The following PIEZO2 variants were observed in gnomAD, a reference collection of about 807,000 sequenced individuals.
The protein encoded by PIEZO2 is piezo-type mechanosensitive ion channel component 2.
PIEZO2 carries 172 observed loss-of-function variants against 337.3 expected under a neutral mutation model. The ratio of observed to expected loss-of-function variants is 0.51; its 90% confidence interval spans 0.45 to 0.58. PIEZO2 has a LOEUF of 0.58. Among genes scored for constraint, PIEZO2 ranks in the 20% least tolerant of loss-of-function variants. The pLI is 0.00. For missense variants in PIEZO2, 3,028 were observed against 3,391.3 expected, an observed-to-expected ratio of 0.89 and a Z score of 2.66; for synonymous variants, 1,251 against 1,228.5, an observed-to-expected ratio of 1.02 and a Z score of -0.38.
At position 11,032,320 on chromosome 18, in the gene PIEZO2, T is replaced by C. The variant is rs2036771754; in HGVS notation, c.160+33807A>G. Reference sequence around the variant, plus strand: ...TGGGTCAGAGATTTCTGCAAAGGAGTAAGTGACATTTACACCACTCCTGGA... The same window carrying C: ...TGGGTCAGAGATTTCTGCAAAGGAGCAAGTGACATTTACACCACTCCTGGA... On this transcript the variant is annotated intron_variant, in intron 2 of 55. Coordinates refer to ENST00000674853, the MANE Select transcript of PIEZO2 (RefSeq NM_001378183.1). The surrounding 1 kb of genome is among the most constrained non-coding windows in gnomAD (Gnocchi z 4.9). Among the ~76,000 whole-genome samples, 4 of 151,906 alleles carry C rather than the reference T, an allele frequency of 2.6e-5. No individual in the cohort carries two copies. In the South Asian group the frequency reaches 8.3e-4, roughly 32 times the overall value.
intron 3 of PIEZO2, among the ~76,000 whole-genome samples, chr18:10,914,444 G>T (rs574178978): frequency 1.2e-4 from 18 of 152,154 alleles, no homozygotes; most frequent in African/African-American, 4.1e-4. Context: ...TGTAGAATTT[G>T]TATATAACCT....
At chr18:11,052,375 A>G (rs188629021) in intron 2 of PIEZO2, among the ~76,000 whole-genome samples, 5 of 152,206 alleles carry the variant, frequency 3.3e-5, no homozygotes, top group Non-Finnish European at 5.9e-5. Context: ...ATTTCATAAC[A>G]TGTGAGATCA....
At chr18:11,018,928 T>A (rs1395608) in intron 2 of PIEZO2, among the ~76,000 whole-genome samples, 1 of 151,930 alleles carries the variant, frequency 6.6e-6, no homozygotes, top group African/African-American at 2.4e-5. Flanking sequence ...TTCTCCACTT[T>A]AGTAAATGTC....
chr18:10,758,800 T>C (rs4416082), intron 26 of PIEZO2, among the ~76,000 whole-genome samples: 31,849 of 152,154 alleles, frequency 0.21, 3,937 homozygotes, highest in South Asian at 0.28. Context: ...GTGGAGGTGG[T>C]GGACTGTGCT....
chr18:11,070,991 G>A lies in PIEZO2; in HGVS notation c.65-4769C>T, dbSNP rs148770330. ...CAGCCAAGGGTCTGCATTAGAACCCGTGGTGCCTGCTTCCATGGCTGATTC... is the reference window on the plus strand; with the variant it reads ...CAGCCAAGGGTCTGCATTAGAACCCATGGTGCCTGCTTCCATGGCTGATTC... On this transcript the variant is annotated intron_variant, in intron 1 of 55. Transcript: ENST00000674853. The surrounding 1 kb of genome is among the most constrained non-coding windows in gnomAD (Gnocchi z 4.3). Among the ~76,000 whole-genome samples the A allele has an allele frequency of 7.8e-4, 119 of 152,300 alleles. No individual in the cohort carries two copies. Among genetic ancestry groups the A allele is most frequent in the African/African-American group, 2.8e-3 (115 of 41,560 alleles).
At position 10,809,260 on chromosome 18, in the gene PIEZO2, C is replaced by CTTTTTTTTTTT. The variant is rs869210659; in HGVS notation, c.918-1997_918-1987dup. ...ACCTAAGATTTCTCTCTCTCTCTCT[C>CTTTTTTTTTTT]TTTTTTTTTTTTTTTTTTTTTTTTT... On this transcript the variant is annotated intron_variant, in intron 7 of 55. Coordinates refer to ENST00000674853, the MANE Select transcript of PIEZO2 (RefSeq NM_001378183.1). Among the ~76,000 whole-genome samples the CTTTTTTTTTTT allele has an allele frequency of 1.0e-3, 69 of 65,840 alleles. 6 individuals carry two copies. Among genetic ancestry groups the CTTTTTTTTTTT allele is most frequent in the African/African-American group, 3.6e-3 (62 of 17,006 alleles). The allele number at this position is 65,840 out of a possible 152,430, so 43.2% of individuals were successfully genotyped here. A position where few individuals can be genotyped will look rare whatever the true frequency, so the allele number is the denominator to read the frequency against.
At chr18:10,825,324 CCCTT>C (rs2040636876) in intron 7 of PIEZO2, among the ~76,000 whole-genome samples, 1 of 151,944 alleles carries the variant, frequency 6.6e-6, no homozygotes, top group Admixed American at 6.6e-5. Flanking sequence ...TGTGGAATGC[CCCTT>C]TGTTTTGCTT....
At chr18:10,915,952 A>T (rs12964310) in intron 3 of PIEZO2, among the ~76,000 whole-genome samples, 4 of 1,508 alleles carry the variant, frequency 2.7e-3, no homozygotes, top group Admixed American at 0.013. Context: ...TGGTGCATTT[A>T]CAAACCTTGA....
At position 10,853,064 on chromosome 18, in the gene PIEZO2, C is replaced by T. The variant is rs73943050; in HGVS notation, c.917+2289G>A. Among the ~76,000 whole-genome samples, 1,044 of 152,238 alleles carry T rather than the reference C, an allele frequency of 6.9e-3. 18 individuals are homozygous for T. The highest frequency in any genetic ancestry group is 0.021 in the African/African-American group (878 of 41,526). On this transcript the variant is annotated intron_variant, in intron 7 of 55. Coordinates refer to ENST00000674853, the MANE Select transcript of PIEZO2 (RefSeq NM_001378183.1). The surrounding 1 kb of genome is among the most constrained non-coding windows in gnomAD (Gnocchi z 4.2). Reference sequence around the variant, plus strand: ...GCATGTGCAGTAAGAGGTAAAATGGCGGAGTTTAACTGGTACATGACCTTG... The same window carrying T: ...GCATGTGCAGTAAGAGGTAAAATGGTGGAGTTTAACTGGTACATGACCTTG...
chr18:10,705,229 C>T (rs2035526009), intron 41 of PIEZO2, 107 bp downstream of exon 41: 1 of 1,345,140 alleles, frequency 7.4e-7, no homozygotes, highest in Non-Finnish European at 9.8e-7. Context: ...TCTAAGTGTC[C>T]AGATGAACTT....
chr18:10,998,214 T>A (rs987300288), intron 2 of PIEZO2, among the ~76,000 whole-genome samples: 1 of 152,046 alleles, frequency 6.6e-6, no homozygotes, highest in Non-Finnish European at 1.5e-5. Context: ...GAAGGAAAAT[T>A]AACCTGCTAT....
chr18:11,148,409 C>T lies in PIEZO2; in HGVS notation c.64+116G>A. On this transcript the variant is annotated intron_variant, in intron 1 of 55. Coordinates refer to ENST00000674853, the MANE Select transcript of PIEZO2 (RefSeq NM_001378183.1). This position sits in a 1 kb window ranked among gnomAD's most constrained non-coding sequence, Gnocchi z 5.2. The stretch of plus-strand genomic sequence containing the variant: ...CAGGGACAGCGCGCGTCTGACGCCG[C>T]TGGCCTCCCGAATCGAACCCCAGAG... The T allele has an allele frequency of 1.6e-6, 2 of 1,212,160 alleles. No individual in the cohort carries two copies. The highest frequency in any genetic ancestry group is 2.3e-6 in the Non-Finnish European group (2 of 863,676). 75.1% of individuals were successfully genotyped at this position (1,212,160 alleles called of 1,614,324 possible). A position where few individuals can be genotyped will look rare whatever the true frequency, so the allele number is the denominator to read the frequency against.
intron 23 of PIEZO2, among the ~76,000 whole-genome samples, chr18:10,761,352 G>A (rs748300307): frequency 6.6e-6 from 1 of 152,216 alleles, no homozygotes; most frequent in Non-Finnish European, 1.5e-5. Flanking sequence ...AGATGCTGCT[G>A]CTCATTCCTA....
At position 10,918,247 on chromosome 18, in the gene PIEZO2, T is replaced by C. The variant is rs548375324; in HGVS notation, c.287-7019A>G. Among the ~76,000 whole-genome samples, 93 of 152,274 alleles carry C rather than the reference T, an allele frequency of 6.1e-4. 1 individual carries two copies. The highest frequency in any genetic ancestry group is 2.0e-3 in the African/African-American group (85 of 41,572). On this transcript the variant is annotated intron_variant, in intron 3 of 55. Coordinates refer to ENST00000674853, the MANE Select transcript of PIEZO2 (RefSeq NM_001378183.1). The stretch of plus-strand genomic sequence containing the variant: ...TCATCATTAATAGATTAAAAGTAAT[T>C]GTAAAAGAGATAAGACAAAACATTA...
intron 2 of PIEZO2, among the ~76,000 whole-genome samples, chr18:11,045,917 T>G (rs914150741): frequency 2.0e-5 from 3 of 152,218 alleles, no homozygotes; most frequent in East Asian, 1.9e-4. Flanking sequence ...ACACTCTATC[T>G]AGTCCCACCA....
chr18:11,135,052 A>AT (rs2040444368), intron 1 of PIEZO2, among the ~76,000 whole-genome samples: 1 of 151,918 alleles, frequency 6.6e-6, no homozygotes, highest in African/African-American at 2.4e-5. Context: ...AAAAAAAAAA[A>AT]ATTTTTTTTC....
chr18:10,961,398 T>G (rs918229129), intron 3 of PIEZO2, among the ~76,000 whole-genome samples: 3 of 108,942 alleles, frequency 2.8e-5, no homozygotes, highest in Non-Finnish European at 4.0e-5. Context: ...ACAATGGACT[T>G]TGGGACTTGT....
intron 1 of PIEZO2, among the ~76,000 whole-genome samples, chr18:11,100,540 T>A (rs184780478): frequency 1.3e-5 from 2 of 152,324 alleles, no homozygotes; most frequent in East Asian, 3.9e-4. Flanking sequence ...AAAAGGTGTT[T>A]CCTTCTCTCT....
rs937666555 is a variant in PIEZO2, at chr18:10,872,266, T to A, written c.330-851A>T. 6.6e-6 allele frequency among the ~76,000 whole-genome samples: 1 copy of A among 152,156 alleles called. No individual in the cohort carries two copies. The highest frequency in any genetic ancestry group is 2.4e-5 in the African/African-American group (1 of 41,428). On this transcript the variant is annotated intron_variant, in intron 4 of 55. Transcript: ENST00000674853. This position sits in a 1 kb window ranked among gnomAD's most constrained non-coding sequence, Gnocchi z 4.3. ...CACATATAGGGCATTTTTGTTATAA[T>A]TGAGATCCTGAAACAAATATATTTA...
Sources: allele counts gnomAD v4.1 joint callset (sites outside exome capture counted in the v4.1 genomes callset), GRCh38; gene constraint gnomAD v4.1.1; non-coding constraint Gnocchi (gnomAD v3.1); transcripts MANE v1.5; gene names NCBI Gene and HGNC (gene_info 2026-07-23, HGNC 2026-07-21).